The following ITGB3 variants were observed in gnomAD, a reference collection of about 807,000 sequenced individuals.
ITGB3 encodes integrin subunit beta 3, also known as integrin beta-3.
A neutral mutation model predicts 85.8 loss-of-function variants in ITGB3; 48 were observed. The observed-to-expected ratio is 0.56, with a 90% CI of 0.44 to 0.71. The LOEUF (loss-of-function observed/expected upper bound fraction) is 0.71. Among genes scored for constraint, ITGB3 ranks in the 30% least tolerant of loss-of-function variants. The pLI is 0.00. For missense variants in ITGB3, 861 were observed against 1,019.1 expected, an observed-to-expected ratio of 0.84 and a Z score of 2.11; for synonymous variants, 363 against 395.6, an observed-to-expected ratio of 0.92 and a Z score of 0.98.
intron 9 of ITGB3, 30 bp downstream of exon 9, chr17:47,291,118 T>C (rs1467592656): frequency 1.6e-5 from 26 of 1,613,638 alleles, no homozygotes; most frequent in African/African-American, 2.7e-5. Flanking sequence ...GCCTTTGTCC[T>C]GGAGCATCTG....
chr17:47,289,562 T>G (rs995243499), intron 6 of ITGB3, 119 bp from the exon 7 acceptor site: 1 of 742,458 alleles, frequency 1.3e-6, no homozygotes, highest in African/African-American at 1.7e-5. Flanking sequence ...CAGCATGAAG[T>G]GAAATGGTTT....
intron 6 of ITGB3, among the ~76,000 whole-genome samples, chr17:47,288,642 G>A (rs2065113512): frequency 6.6e-5 from 10 of 152,042 alleles, no homozygotes; most frequent in Admixed American, 6.6e-4. Context: ...ATTCACCACC[G>A]CCCCCGCACA....
Position 47,282,098 on chromosome 17 carries a change from G to A in ITGB3, c.166-1256G>A, listed in dbSNP as rs34672055. Among the ~76,000 whole-genome samples, 473 of 152,070 alleles carry A rather than the reference G, an allele frequency of 3.1e-3. 4 individuals are homozygous for A. Among genetic ancestry groups the A allele is most frequent in the African/African-American group, 0.011 (454 of 41,486 alleles). ...CAAGTAGCTGGGACTACAGGTGCAC[G>A]CCACCACACCTGGCTAATTTTTGTA... On this transcript the variant is annotated intron_variant, in intron 2 of 14. Transcript: ENST00000559488.
At chr17:47,286,591 C>T (rs1212822451) in intron 5 of ITGB3, among the ~76,000 whole-genome samples, 169 bp downstream of exon 5, 2 of 152,202 alleles carry the variant, frequency 1.3e-5, no homozygotes, top group Admixed American at 6.5e-5. Flanking sequence ...GGCTTAGATC[C>T]ACTCCCTGGC....
At chr17:47,257,851 G>A (rs2064995710) in intron 1 of ITGB3, among the ~76,000 whole-genome samples, 2 of 152,184 alleles carry the variant, frequency 1.3e-5, no homozygotes, top group Non-Finnish European at 1.5e-5. Flanking sequence ...GGGTGTTGGG[G>A]CAAGGGTGAG....
At chr17:47,260,035 G>A (rs778055724) in intron 1 of ITGB3, among the ~76,000 whole-genome samples, 2 of 152,114 alleles carry the variant, frequency 1.3e-5, no homozygotes, top group Non-Finnish European at 2.9e-5. Context: ...ATCAGGTGGT[G>A]TGTTCTGTTT....
Position 47,292,020 on chromosome 17 carries a change from C to G in ITGB3, c.1261-119C>G, listed in dbSNP as rs1009461524. ...GCTGAGGAACTCCAGATTGCAAAAG[C>G]ATAAGACACCCAATTTGGGTATTCC... On this transcript the variant is annotated intron_variant, in intron 9 of 14. Coordinates refer to ENST00000559488, the MANE Select transcript of ITGB3 (RefSeq NM_000212.3). The G allele has an allele frequency of 1.1e-5, 11 of 1,007,734 alleles. No individual in the cohort carries two copies. In the Admixed American group the frequency reaches 1.4e-4, roughly 12 times the overall value. 62.4% of individuals were successfully genotyped at this position (1,007,734 alleles called of 1,614,324 possible).
At chr17:47,289,252 G>T (rs1308892501) in intron 6 of ITGB3, among the ~76,000 whole-genome samples, 4 of 152,104 alleles carry the variant, frequency 2.6e-5, no homozygotes, top group Non-Finnish European at 5.9e-5. Context: ...GACACCACTG[G>T]CCTGTACCTC....
At chr17:47,291,290 AT>A in intron 9 of ITGB3, 1 of 631,646 alleles carries the variant, frequency 1.6e-6, no homozygotes, top group Non-Finnish European at 2.8e-6. Flanking sequence ...TGCGTAAGCC[AT>A]TTCTGTTACG....
At chr17:47,277,379 A>G (rs1022821609) in intron 2 of ITGB3, among the ~76,000 whole-genome samples, 1 of 152,174 alleles carries the variant, frequency 6.6e-6, no homozygotes. Flanking sequence ...TTGAAGGGCC[A>G]CTGGGGTTGG....
intron 14 of ITGB3, among the ~76,000 whole-genome samples, chr17:47,308,365 C>T (rs913079129): frequency 6.6e-6 from 1 of 151,932 alleles, no homozygotes; most frequent in Non-Finnish European, 1.5e-5. Context: ...TTTGACTCCC[C>T]AAATGTCCAG....
At chr17:47,286,947 T>G (rs1476207116) in intron 5 of ITGB3, 123 bp from the exon 6 acceptor site, 1 of 945,602 alleles carries the variant, frequency 1.1e-6, no homozygotes, top group African/African-American at 1.6e-5. Flanking sequence ...GACCCTTGTT[T>G]TGAAGAAAAA....
Position 47,284,820 on chromosome 17 carries a change from T to C in ITGB3, c.614+125T>C, listed in dbSNP as rs139621614. The stretch of plus-strand genomic sequence containing the variant: ...TTCTTGCCAAACTATAGCTCCTTTC[T>C]ACCTTGGTCTCCCTGTTTGGCAAAT... On this transcript the variant is annotated intron_variant, in intron 4 of 14. Coordinates refer to ENST00000559488, the MANE Select transcript of ITGB3 (RefSeq NM_000212.3). 4.4e-5 allele frequency: 58 copies of C among 1,305,734 alleles called. No homozygotes were observed. The African/African-American group carries it at 6.7e-4, about 15-fold the overall frequency. 80.9% of individuals were successfully genotyped at this position (1,305,734 alleles called of 1,614,324 possible).
chr17:47,294,817 A>G (rs1393875541), intron 10 of ITGB3, among the ~76,000 whole-genome samples: 3 of 152,302 alleles, frequency 2.0e-5, no homozygotes, highest in African/African-American at 2.4e-5. Context: ...TGCTGGCTCT[A>G]TGCTTCATTC....
At chr17:47,277,280 T>G (rs960711538) in intron 2 of ITGB3, among the ~76,000 whole-genome samples, 11 of 152,208 alleles carry the variant, frequency 7.2e-5, no homozygotes, top group Non-Finnish European at 1.6e-4. Flanking sequence ...CCTGAGGTGC[T>G]TGTTAAAAAT....
At chr17:47,283,678 G>A in intron 3 of ITGB3, 129 bp downstream of exon 3, 2 of 847,112 alleles carry the variant, frequency 2.4e-6, no homozygotes, top group Non-Finnish European at 3.9e-6. Context: ...AAGGATGAGG[G>A]GGGAGGTGTG....
intron 6 of ITGB3, 43 bp downstream of exon 6, chr17:47,287,274 G>A (rs766337421): frequency 6.2e-7 from 1 of 1,608,760 alleles, no homozygotes; most frequent in East Asian, 2.2e-5. Flanking sequence ...TCATGATTGT[G>A]AGGGTTGCCC....
At chr17:47,257,233 AC>A (rs2064993706) in intron 1 of ITGB3, among the ~76,000 whole-genome samples, 1 of 152,278 alleles carries the variant, frequency 6.6e-6, no homozygotes, top group Non-Finnish European at 1.5e-5. Flanking sequence ...CCAGAATGAA[AC>A]TGATGGGGTC....
At chr17:47,279,033 T>C (rs1390867424) in intron 2 of ITGB3, among the ~76,000 whole-genome samples, 3 of 152,206 alleles carry the variant, frequency 2.0e-5, no homozygotes, top group African/African-American at 7.2e-5. Flanking sequence ...ACATTCACAG[T>C]CTTCTTTTAC....
Sources: allele counts gnomAD v4.1 joint callset (sites outside exome capture counted in the v4.1 genomes callset), GRCh38; gene constraint gnomAD v4.1.1; transcripts MANE v1.5; gene names NCBI Gene and HGNC (gene_info 2026-07-23, HGNC 2026-07-21).